The following RBFOX1 variants were observed in gnomAD, a reference collection of about 807,000 sequenced individuals.
RBFOX1 encodes RNA binding fox-1 homolog 1.
A neutral mutation model predicts 57.7 loss-of-function variants in RBFOX1; 8 were observed. That is an observed-to-expected ratio of 0.14 (90% CI 0.08 to 0.25). The LOEUF is 0.25. Ranked by LOEUF, RBFOX1 falls within the 10% of genes least tolerant of loss-of-function variation. The pLI, the probability that RBFOX1 is intolerant of heterozygous loss-of-function variation, is 1.00. For synonymous variants in RBFOX1, 326 were observed against 222.4 expected, an observed-to-expected ratio of 1.47 and a Z score of -4.15; for missense variants, 611 against 548.5, an observed-to-expected ratio of 1.11 and a Z score of -1.14.
chr16:7,364,777 C>T (rs978191004), intron 4 of RBFOX1, among the ~76,000 whole-genome samples: 1 of 152,142 alleles, frequency 6.6e-6, no homozygotes, highest in African/African-American at 2.4e-5. Flanking sequence ...CTAAGGTAAT[C>T]TGTTGGAAGA....
chr16:7,000,084 A>AG lies in RBFOX1; in HGVS notation c.-15-51973_-15-51972insG, dbSNP rs1285867808. Among the ~76,000 whole-genome samples, 5 of 151,676 alleles carry AG rather than the reference A, an allele frequency of 3.3e-5. No homozygotes were observed. The East Asian group carries it at 9.6e-4, about 29-fold the overall frequency. On this transcript the variant is annotated intron_variant, in intron 3 of 15. Transcript: ENST00000550418. Reference sequence around the variant, plus strand: ...GACTCTGTTTCAAAGAAAAAAAAAAAAAAAGATTATTTAAGTAGGTGTCCA... The same window carrying AG: ...GACTCTGTTTCAAAGAAAAAAAAAAAGAAAAGATTATTTAAGTAGGTGTCCA...
intron 2 of RBFOX1, among the ~76,000 whole-genome samples, chr16:6,606,934 C>G (rs1254083158): frequency 2.0e-5 from 3 of 152,230 alleles, no homozygotes; most frequent in Non-Finnish European, 4.4e-5. Flanking sequence ...AATCACCACA[C>G]TGTCTTTCAC....
At chr16:7,068,645 G>A (rs946509530) in intron 4 of RBFOX1, among the ~76,000 whole-genome samples, 7 of 152,078 alleles carry the variant, frequency 4.6e-5, no homozygotes, top group Non-Finnish European at 7.4e-5. Flanking sequence ...GGAGTGCAAT[G>A]GTGCAATCTC....
rs1378562382 is a variant in RBFOX1, at chr16:6,468,188, T to C, written c.-64+151131T>C. On this transcript the variant is annotated intron_variant, in intron 2 of 15. Transcript: ENST00000550418. ...TCCAGTATAATGGCAGGAGGAGGAA[T>C]GGTTAGGAACATTGGAGAGCTATTT... Among the ~76,000 whole-genome samples the C allele has an allele frequency of 3.3e-5, 5 of 152,244 alleles. No homozygotes were observed. The East Asian group carries it at 9.7e-4, about 29-fold the overall frequency.
chr16:6,714,845 G>A (rs1017018706), intron 3 of RBFOX1, among the ~76,000 whole-genome samples: 5 of 152,078 alleles, frequency 3.3e-5, no homozygotes, highest in East Asian at 1.9e-4. Context: ...AAGAGGCTGC[G>A]TTTGAGGTTC....
At chr16:7,696,252 G>T (rs1202026427) in intron 14 of RBFOX1, among the ~76,000 whole-genome samples, 1 of 152,160 alleles carries the variant, frequency 6.6e-6, no homozygotes, top group Non-Finnish European at 1.5e-5. Context: ...GTGCTCTGTT[G>T]GGTATCACTT....
chr16:6,025,585 C>G (rs1362465607), intron 1 of RBFOX1, among the ~76,000 whole-genome samples: 1 of 152,130 alleles, frequency 6.6e-6, no homozygotes, highest in African/African-American at 2.4e-5. Flanking sequence ...CTGGGAGTAC[C>G]CTGAGAACAG....
At chr16:6,760,897 T>C (rs2076508680) in intron 3 of RBFOX1, among the ~76,000 whole-genome samples, 1 of 152,100 alleles carries the variant, frequency 6.6e-6, no homozygotes, top group African/African-American at 2.4e-5. Context: ...CTCTAATGGA[T>C]AGATCTTCCT....
intron 4 of RBFOX1, among the ~76,000 whole-genome samples, chr16:7,349,917 T>G (rs936101727): frequency 3.3e-5 from 5 of 152,042 alleles, no homozygotes; most frequent in Non-Finnish European, 5.9e-5. Context: ...GAGGCCGAGG[T>G]GGGTGGATCA....
Position 5,394,323 on chromosome 16 carries a change from G to A in RBFOX1, c.220-72893G>A, listed in dbSNP as rs541853877. On this transcript the variant is annotated intron_variant, in intron 1 of 2. Coordinates refer to the RBFOX1 transcript ENST00000585867. ...AGGCATGAGACATTGCGCCCAGCCA[G>A]CCATTTCTTTTAACAATGTTTACTG... Among the ~76,000 whole-genome samples, 5 of 152,248 alleles carry A rather than the reference G, an allele frequency of 3.3e-5. No homozygotes were observed. In the South Asian group the frequency reaches 6.2e-4, roughly 19 times the overall value.
intron 4 of RBFOX1, among the ~76,000 whole-genome samples, chr16:7,087,790 G>T (rs1028975612): frequency 2.0e-5 from 3 of 152,138 alleles, no homozygotes; most frequent in African/African-American, 7.2e-5. Context: ...GATACTCTTG[G>T]TGAAGTAAGG....
At chr16:5,310,119 G>A (rs569940721) in intron 1 of RBFOX1, among the ~76,000 whole-genome samples, 1 of 152,262 alleles carries the variant, frequency 6.6e-6, no homozygotes, top group South Asian at 2.1e-4. Context: ...GCGGCTGAGT[G>A]TAGAGGTAAA....
Position 7,520,134 on chromosome 16 carries a change from C to G in RBFOX1, c.270+1745C>G, listed in dbSNP as rs931918370. Among the ~76,000 whole-genome samples, 4 of 149,812 alleles carry G rather than the reference C, an allele frequency of 2.7e-5. No individual in the cohort carries two copies. In the South Asian group the frequency reaches 8.3e-4, roughly 31 times the overall value. On this transcript the variant is annotated intron_variant, in intron 5 of 15. Coordinates refer to ENST00000550418, the MANE Select transcript of RBFOX1 (RefSeq NM_018723.4). Reference sequence around the variant, plus strand: ...TCTCCTGACCTCGCGATCTGCCTGTCTCGGCCTCCCAAAGTGCTGGGATTA... The same window carrying G: ...TCTCCTGACCTCGCGATCTGCCTGTGTCGGCCTCCCAAAGTGCTGGGATTA...
At chr16:6,959,117 T>A (rs1037090249) in intron 3 of RBFOX1, among the ~76,000 whole-genome samples, 1 of 152,182 alleles carries the variant, frequency 6.6e-6, no homozygotes, top group Non-Finnish European at 1.5e-5. Flanking sequence ...CGGCTTTGTC[T>A]TTTCAGAAAT....
intron 4 of RBFOX1, among the ~76,000 whole-genome samples, chr16:7,408,827 C>G (rs1032080028): frequency 6.6e-6 from 1 of 152,106 alleles, no homozygotes; most frequent in Non-Finnish European, 1.5e-5. Context: ...CAGATACTGC[C>G]ATTGTCCCTA....
intron 2 of RBFOX1, among the ~76,000 whole-genome samples, chr16:6,442,581 G>A (rs1315085178): frequency 6.9e-6 from 1 of 144,544 alleles, no homozygotes; most frequent in East Asian, 2.1e-4. Context: ...GAAAAAAAAA[G>A]AAACAGTGTT....
chr16:5,845,823 G>C (rs572547673), intron 3 of RBFOX1, among the ~76,000 whole-genome samples: 2 of 152,160 alleles, frequency 1.3e-5, no homozygotes, highest in African/African-American at 2.4e-5. Flanking sequence ...TCAGACAGCA[G>C]TGGTCTATAA....
At chr16:6,574,450 A>T in intron 2 of RBFOX1, among the ~76,000 whole-genome samples, 2 of 97,318 alleles carry the variant, frequency 2.1e-5, no homozygotes, top group African/African-American at 3.7e-5. Flanking sequence ...TTTTTTTGAG[A>T]CTGAGTCTTG....
chr16:5,641,755 G>T (rs28410633), intron 3 of RBFOX1, among the ~76,000 whole-genome samples: 3,719 of 152,228 alleles, frequency 0.024, 150 homozygotes, highest in African/African-American at 0.085. Context: ...AAGGCAGGGG[G>T]TCAGTTCTTG....
Sources: gnomAD v4.1 joint callset for allele counts (sites outside exome capture counted in the v4.1 genomes callset) on GRCh38, gnomAD v4.1.1 for gene constraint, MANE v1.5 for transcripts, NCBI Gene and HGNC (gene_info 2026-07-23, HGNC 2026-07-21) for gene names.